Variants in GRIK4 observed in about 807,000 individuals in gnomAD.
The protein encoded by GRIK4 is glutamate ionotropic receptor kainate type subunit 4.
GRIK4 carries 40 observed loss-of-function variants against 104.9 expected under a neutral mutation model. That is an observed-to-expected ratio of 0.38 (90% CI 0.30 to 0.50). GRIK4 has a LOEUF of 0.50. Ranked by LOEUF, GRIK4 falls within the 20% of genes least tolerant of loss-of-function variation. The pLI, the probability that GRIK4 is intolerant of heterozygous loss-of-function variation, is 0.93. For missense variants in GRIK4, 1,047 were observed against 1,308.1 expected (o/e 0.80, Z 3.08); for synonymous variants, 485 against 524.9 (o/e 0.92, Z 1.04).
intron 1 of GRIK4, among the ~76,000 whole-genome samples, chr11:120,600,142 A>G (rs886126961): frequency 1.3e-5 from 2 of 152,078 alleles, no homozygotes; most frequent in Non-Finnish European, 2.9e-5. Context: ...GGGGAAAGGG[A>G]AAGGTGAGAC....
intron 3 of GRIK4, among the ~76,000 whole-genome samples, chr11:120,717,041 G>C (rs1209612370): frequency 1.3e-5 from 2 of 152,224 alleles, no homozygotes; most frequent in South Asian, 4.1e-4. Context: ...CCCAAGAGGG[G>C]AAAGGATGCT....
chr11:120,566,020 A>T (rs1467121371), intron 1 of GRIK4, among the ~76,000 whole-genome samples: 1 of 152,210 alleles, frequency 6.6e-6, no homozygotes, highest in South Asian at 2.1e-4. Context: ...CATTGTCTCT[A>T]GGATAAAAAT....
At chr11:120,768,721 A>T (rs1951885458) in intron 3 of GRIK4, among the ~76,000 whole-genome samples, 1 of 152,156 alleles carries the variant, frequency 6.6e-6, no homozygotes, top group Non-Finnish European at 1.5e-5. Flanking sequence ...TTTCTTCTAT[A>T]CCTAAACTGT....
intron 9 of GRIK4, among the ~76,000 whole-genome samples, chr11:120,867,432 C>T (rs1954452005): frequency 6.6e-6 from 1 of 152,162 alleles, no homozygotes; most frequent in Non-Finnish European, 1.5e-5. Flanking sequence ...GACGTTCTCT[C>T]TTTCTCTCCC....
At chr11:120,928,441 G>C (rs1428155763) in intron 13 of GRIK4, among the ~76,000 whole-genome samples, 1 of 152,076 alleles carries the variant, frequency 6.6e-6, no homozygotes, top group African/African-American at 2.4e-5. Context: ...TCAGATTTCT[G>C]GTAATTGCTC....
Position 120,986,621 on chromosome 11 carries a change from T to TC in GRIK4, c.*366dup. 1 of 197,450 alleles carries TC rather than the reference T, an allele frequency of 5.1e-6. No individual in the cohort carries two copies. Among genetic ancestry groups the TC allele is most frequent in the Non-Finnish European group, 1.0e-5 (1 of 99,312 alleles). The allele number at this position is 197,450 out of a possible 1,614,324, so 12.2% of individuals were successfully genotyped here. Reference sequence around the variant, plus strand: ...AATTGGTGGAATCATCAGTTGAATTTCCCCCTAGTCAGGGGCCAATGTACC... The same window carrying TC: ...AATTGGTGGAATCATCAGTTGAATTTCCCCCCTAGTCAGGGGCCAATGTACC... On this transcript the variant is annotated 3_prime_UTR_variant, in exon 21 of 21. Transcript: ENST00000527524.
At chr11:120,618,711 G>A (rs536018180) in intron 1 of GRIK4, among the ~76,000 whole-genome samples, 3 of 152,346 alleles carry the variant, frequency 2.0e-5, no homozygotes, top group East Asian at 1.9e-4. Context: ...CAGGTACAGC[G>A]TGGGCCACAG....
chr11:120,850,340 G>A (rs1953946165), intron 8 of GRIK4, among the ~76,000 whole-genome samples: 1 of 151,910 alleles, frequency 6.6e-6, no homozygotes, highest in Non-Finnish European at 1.5e-5. Flanking sequence ...TGTTTCTTGG[G>A]GGTCATCTTA....
chr11:120,965,835 G>A lies in GRIK4; in HGVS notation c.2267-1360G>A, dbSNP rs190911121. ...AGTTCAGCGAAATCCCCAGGTGATT[G>A]CAATGCACTTGAAAATTTGAAAAGC... On this transcript the variant is annotated intron_variant, in intron 18 of 20. Coordinates refer to ENST00000527524, the MANE Select transcript of GRIK4 (RefSeq NM_014619.5). Among the ~76,000 whole-genome samples the A allele has an allele frequency of 2.4e-3, 364 of 152,304 alleles. 1 individual carries two copies. The highest frequency in any genetic ancestry group is 8.3e-3 in the African/African-American group (345 of 41,574).
intron 3 of GRIK4, among the ~76,000 whole-genome samples, chr11:120,706,858 T>C (rs2135345170): frequency 6.6e-6 from 1 of 152,170 alleles, no homozygotes; most frequent in East Asian, 1.9e-4. Context: ...GCTTGGTGGC[T>C]GTGTCTCCTG....
At chr11:120,765,860 G>A (rs1027215735) in intron 3 of GRIK4, among the ~76,000 whole-genome samples, 1 of 152,216 alleles carries the variant, frequency 6.6e-6, no homozygotes. Context: ...GATGCCAGCT[G>A]GAGCTCTCCT....
At chr11:120,684,796 C>T (rs1056016864) in intron 3 of GRIK4, among the ~76,000 whole-genome samples, 3 of 152,166 alleles carry the variant, frequency 2.0e-5, no homozygotes, top group Non-Finnish European at 2.9e-5. Flanking sequence ...CTGCAAGCTC[C>T]GCCTCCCGGC....
At chr11:120,561,690 T>G (rs1948241393) in intron 1 of GRIK4, among the ~76,000 whole-genome samples, 1 of 152,216 alleles carries the variant, frequency 6.6e-6, no homozygotes, top group South Asian at 2.1e-4. Context: ...GTAAGGCCTC[T>G]TTACTACCAC....
At chr11:120,759,318 T>A (rs1951704830) in intron 3 of GRIK4, among the ~76,000 whole-genome samples, 1 of 152,008 alleles carries the variant, frequency 6.6e-6, no homozygotes, top group Non-Finnish European at 1.5e-5. Flanking sequence ...CAGTAGGAGG[T>A]CTAGAGGCAG....
intron 3 of GRIK4, among the ~76,000 whole-genome samples, chr11:120,764,596 T>TG (rs145283632): frequency 0.18 from 27,504 of 150,414 alleles, 3,015 homozygotes; most frequent in African/African-American, 0.32. Flanking sequence ...TTTTTGTTTT[T>TG]GTTTTTTTTT....
intron 14 of GRIK4, among the ~76,000 whole-genome samples, chr11:120,942,603 C>G (rs569797986): frequency 1.2e-4 from 19 of 152,214 alleles, no homozygotes; most frequent in Non-Finnish European, 2.5e-4. Flanking sequence ...CCCTCCCCAC[C>G]TAGGGCACCA....
chr11:120,923,737 A>G (rs1333428466), intron 13 of GRIK4, among the ~76,000 whole-genome samples: 4 of 152,112 alleles, frequency 2.6e-5, no homozygotes, highest in Non-Finnish European at 5.9e-5. Context: ...AATCCTCAGA[A>G]TAAACCCGTG....
At chr11:120,689,996 T>G (rs1950333241) in intron 3 of GRIK4, among the ~76,000 whole-genome samples, 1 of 152,194 alleles carries the variant, frequency 6.6e-6, no homozygotes, top group South Asian at 2.1e-4. Flanking sequence ...AGGTGTCTCT[T>G]ATTGTAATTA....
At chr11:120,632,973 A>G (rs572780939) in intron 1 of GRIK4, among the ~76,000 whole-genome samples, 23 of 152,028 alleles carry the variant, frequency 1.5e-4, no homozygotes, top group Non-Finnish European at 2.5e-4. Flanking sequence ...GGCTGGTTCT[A>G]TCATCAGCCA....
Sources: gnomAD v4.1 joint callset for allele counts (sites outside exome capture counted in the v4.1 genomes callset) on GRCh38, gnomAD v4.1.1 for gene constraint, MANE v1.5 for transcripts, NCBI Gene and HGNC (gene_info 2026-07-23, HGNC 2026-07-21) for gene names.